ARHGEF7: variants seen among roughly 807,000 people sequenced by gnomAD.
ARHGEF7 encodes the protein PAK-interacting exchange factor beta.
In ARHGEF7, 33 loss-of-function variants were observed where a neutral mutation model predicts 109.8. That is an observed-to-expected ratio of 0.30 (90% CI 0.23 to 0.40). The LOEUF is 0.40. Among genes scored for constraint, ARHGEF7 ranks in the 10% least tolerant of loss-of-function variants. The probability of loss-of-function intolerance (pLI) is 1.00; values close to 1 mark genes in which losing one functional copy is unlikely to be tolerated. For missense variants in ARHGEF7, 938 were observed against 1,098.5 expected (o/e 0.85, Z 2.07); for synonymous variants, 458 against 424.6 (o/e 1.08, Z -0.97).
chr13:111,205,886 AGAG>A (rs1174838226), intron 3 of ARHGEF7, among the ~76,000 whole-genome samples: 1 of 151,872 alleles, frequency 6.6e-6, no homozygotes, highest in Non-Finnish European at 1.5e-5. Flanking sequence ...ACTGAAGTGG[AGAG>A]GAGGTTTTGG....
intron 8 of ARHGEF7, among the ~76,000 whole-genome samples, chr13:111,248,387 A>C (rs1273158776): frequency 1.3e-5 from 2 of 151,938 alleles, no homozygotes; most frequent in African/African-American, 2.4e-5. Flanking sequence ...TGGTTTTCTG[A>C]CTTCTCGAAC....
At chr13:111,230,279 T>A (rs1017796387) in intron 5 of ARHGEF7, among the ~76,000 whole-genome samples, 2 of 152,224 alleles carry the variant, frequency 1.3e-5, no homozygotes, top group African/African-American at 4.8e-5. Context: ...TATTAATTTT[T>A]AGCTACCAGA....
chr13:111,197,215 AGTT>A (rs1182364659), intron 2 of ARHGEF7, among the ~76,000 whole-genome samples: 1 of 151,760 alleles, frequency 6.6e-6, no homozygotes, highest in East Asian at 1.9e-4. Flanking sequence ...TGATGGGAAT[AGTT>A]GTGCTCGCCG....
intron 1 of ARHGEF7, among the ~76,000 whole-genome samples, chr13:111,133,191 G>T (rs562647861): frequency 6.6e-6 from 1 of 151,922 alleles, no homozygotes; most frequent in South Asian, 2.1e-4. Context: ...GTATGTATGT[G>T]TATATATGCG....
In ARHGEF7 at chr13:111,230,524, C is replaced by T. The variant is rs374301792; in HGVS notation, c.671-2681C>T. 9.0e-4 allele frequency among the ~76,000 whole-genome samples: 137 copies of T among 152,292 alleles called. 2 individuals are homozygous for T. The highest frequency in any genetic ancestry group is 3.0e-3 in the African/African-American group (124 of 41,568). On this transcript the variant is annotated intron_variant, in intron 5 of 21. Coordinates refer to ENST00000646102, the MANE Select transcript of ARHGEF7 (RefSeq NM_001354046.2). ...GATGGCACATTTCTTCTGGCGTGAC[C>T]GCCCCAGGAGCCTGGACAGTGGTGG...
At chr13:111,256,594 G>T (rs1488697383) in intron 8 of ARHGEF7, among the ~76,000 whole-genome samples, 1 of 152,154 alleles carries the variant, frequency 6.6e-6, no homozygotes, top group Non-Finnish European at 1.5e-5. Context: ...TAGTTGGCGT[G>T]CTTCAGGAAT....
chr13:111,162,567 T>G (rs572435645), intron 2 of ARHGEF7, among the ~76,000 whole-genome samples: 1 of 152,300 alleles, frequency 6.6e-6, no homozygotes, highest in African/African-American at 2.4e-5. Flanking sequence ...GTCGAGAGAC[T>G]TCAGAAGGAG....
chr13:111,186,989 G>A (rs573227671), intron 2 of ARHGEF7: 2 of 985,616 alleles, frequency 2.0e-6, no homozygotes, highest in African/African-American at 3.5e-5. Flanking sequence ...TTTTGCTCTC[G>A]TGTCAGTACT....
intron 2 of ARHGEF7, 80 bp from the exon 3 acceptor site, chr13:111,205,209 C>T (rs1319617759): frequency 7.3e-6 from 8 of 1,089,608 alleles, no homozygotes; most frequent in South Asian, 2.9e-5. Context: ...TGAGCATCGT[C>T]GCGTTGCTGG....
chr13:111,297,682 G>A (rs868588518), intron 19 of ARHGEF7, among the ~76,000 whole-genome samples: 8 of 152,316 alleles, frequency 5.3e-5, no homozygotes, highest in Middle Eastern at 3.4e-3. Flanking sequence ...TCACCACGAG[G>A]GGCGTCCTGG....
chr13:111,120,598 C>CAGCTG (rs1463908695), intron 1 of ARHGEF7, among the ~76,000 whole-genome samples: 2 of 152,208 alleles, frequency 1.3e-5, no homozygotes, highest in Non-Finnish European at 2.9e-5. Context: ...TTCTCAGGGG[C>CAGCTG]AGCTGCTCTG....
chr13:111,300,659 T>C (rs1199054064), intron 19 of ARHGEF7, 89 bp from the exon 20 acceptor site: 1 of 864,668 alleles, frequency 1.2e-6, no homozygotes, highest in East Asian at 2.7e-5. Context: ...GAACTTAATA[T>C]TTAAGTGACA....
At chr13:111,186,757 C>A in intron 2 of ARHGEF7, 1 of 948,112 alleles carries the variant, frequency 1.1e-6, no homozygotes, top group Non-Finnish European at 1.3e-6. Context: ...CTGGAGGAGG[C>A]GAGCTGACTG....
intron 3 of ARHGEF7, among the ~76,000 whole-genome samples, chr13:111,208,754 G>C (rs1025266578): frequency 6.6e-6 from 1 of 152,178 alleles, no homozygotes; most frequent in Non-Finnish European, 1.5e-5. Flanking sequence ...CAGGTCCTGG[G>C]AAGTGTAGGG....
At chr13:111,192,856 C>G (rs536290975) in intron 2 of ARHGEF7, among the ~76,000 whole-genome samples, 1 of 152,194 alleles carries the variant, frequency 6.6e-6, no homozygotes, top group East Asian at 1.9e-4. Context: ...CGAGGGAAAG[C>G]CTTTATCCAA....
chr13:111,203,120 T>C lies in ARHGEF7; in HGVS notation c.253-2169T>C, dbSNP rs1037773433. ...CTTGCTGCCTTGCCACTATGAAGGT[T>C]AGTAGAAATTTATGTATGTATTTCT... is the stretch of plus-strand genomic sequence containing the variant. On this transcript the variant is annotated intron_variant, in intron 2 of 21. Transcript: ENST00000646102. 4.7e-6 allele frequency: 6 copies of C among 1,277,730 alleles called. No individual in the cohort carries two copies. In the African/African-American group the frequency reaches 9.2e-5, roughly 20 times the overall value. 79.1% of individuals were successfully genotyped at this position (1,277,730 alleles called of 1,614,324 possible).
chr13:111,243,951 T>G lies in ARHGEF7; in HGVS notation c.839T>G (p.Leu280Trp). The change falls in exon 7 of 22, where the codon TTG (leucine) becomes TGG (tryptophan). Residue 280 changes from leucine to tryptophan, a missense_variant. By Grantham distance (61) the Leu-to-Trp change is moderately conservative. Transcript: ENST00000646102. ...GTGCTTTCAACGTACCTACGGCCATTGCAGACCAGTGAGAAGTAAGTTAGA... is the reference window on the plus strand; with the variant it reads ...GTGCTTTCAACGTACCTACGGCCATGGCAGACCAGTGAGAAGTAAGTTAGA... ...QTVLSTYLRP[L>W]QTSEKLSSAN... The G allele has an allele frequency of 6.2e-7, 1 of 1,611,806 alleles. No homozygotes were observed. The highest frequency in any genetic ancestry group is 8.5e-7 in the Non-Finnish European group (1 of 1,178,188).
intron 18 of ARHGEF7, among the ~76,000 whole-genome samples, chr13:111,290,957 G>A (rs746429670): frequency 2.0e-5 from 3 of 152,210 alleles, no homozygotes; most frequent in Non-Finnish European, 4.4e-5. Context: ...GTTTTAGAAG[G>A]ATAATATATT....
chr13:111,214,137 C>T (rs944042644), intron 4 of ARHGEF7, among the ~76,000 whole-genome samples: 2 of 152,224 alleles, frequency 1.3e-5, no homozygotes, highest in Non-Finnish European at 2.9e-5. Context: ...CCCTTTCTTT[C>T]TGGGGTGTTG....
Sources: allele counts gnomAD v4.1 joint callset (sites outside exome capture counted in the v4.1 genomes callset), GRCh38; gene constraint gnomAD v4.1.1; transcripts MANE v1.5; gene names NCBI Gene and HGNC (gene_info 2026-07-23, HGNC 2026-07-21).